Variants in STMN1 observed in about 807,000 individuals in gnomAD.
STMN1 encodes the protein stathmin.
A neutral mutation model predicts 19.7 loss-of-function variants in STMN1; 3 were observed. The ratio of observed to expected loss-of-function variants is 0.15; its 90% CI spans 0.07 to 0.39. The LOEUF (loss-of-function observed/expected upper bound fraction) is 0.39. Among genes scored for constraint, STMN1 ranks in the 10% least tolerant of loss-of-function variants. The pLI, the probability that STMN1 is intolerant of heterozygous loss-of-function variation, is 1.00. For synonymous variants in STMN1, 59 were observed against 58.9 expected, an observed-to-expected ratio of 1.00 and a Z score of -0.01; for missense variants, 99 against 176.0, an observed-to-expected ratio of 0.56 and a Z score of 2.48.
chr1:25,889,166 TA>T (rs2048750787), intron 4 of STMN1: 1 of 329,946 alleles, frequency 3.0e-6, no homozygotes, highest in African/African-American at 2.2e-5. Context: ...ACAATCACAT[TA>T]CCATATCAAG....
intron 2 of STMN1, among the ~76,000 whole-genome samples, chr1:25,904,320 C>T (rs1310303551): frequency 6.6e-6 from 1 of 152,028 alleles, no homozygotes; most frequent in African/African-American, 2.4e-5. Flanking sequence ...AGGTGAGACC[C>T]TGTCTCAAAA....
intron 4 of STMN1, among the ~76,000 whole-genome samples, chr1:25,888,635 A>C (rs2048744679): frequency 6.6e-6 from 1 of 152,176 alleles, no homozygotes; most frequent in African/African-American, 2.4e-5. Flanking sequence ...AGCAATGAAA[A>C]GCCACAATGG....
chr1:25,885,734 G>A, exon 5 of STMN1: 1 of 1,551,130 alleles, frequency 6.4e-7, no homozygotes, highest in Middle Eastern at 1.7e-4. Flanking sequence ...TAGTGATGGT[G>A]AGAGAGATCA....
At chr1:25,897,851 T>C (rs994141278), downstream of STMN1, among the ~76,000 whole-genome samples, 1 of 152,176 alleles carries the variant, frequency 6.6e-6, no homozygotes, top group African/African-American at 2.4e-5. Flanking sequence ...GCTCAGTAAA[T>C]AGTAGCACTG....
chr1:25,892,291 A>G (rs375173906), intron 4 of STMN1, among the ~76,000 whole-genome samples: 82 of 151,802 alleles, frequency 5.4e-4, no homozygotes, highest in African/African-American at 1.7e-3. Flanking sequence ...TGGGAGGCTG[A>G]GGCAGAAGAA....
At chr1:25,893,690 G>A (rs954502247) in intron 4 of STMN1, among the ~76,000 whole-genome samples, 10 of 152,116 alleles carry the variant, frequency 6.6e-5, no homozygotes, top group Non-Finnish European at 1.2e-4. Context: ...ACAGGCACCC[G>A]CCATCACGCC....
chr1:25,887,461 T>C (rs1336025663), intron 4 of STMN1: 8 of 382,176 alleles, frequency 2.1e-5, no homozygotes, highest in Non-Finnish European at 3.6e-5. Context: ...CTATCTGGCA[T>C]CTTAGATGGC....
At chr1:25,884,928 G>C (rs1266759224), downstream of STMN1, 6 of 153,474 alleles carry the variant, frequency 3.9e-5, no homozygotes, top group African/African-American at 1.5e-4. Flanking sequence ...TGCTCCTGTA[G>C]CTTTTCTTGC....
In STMN1 at chr1:25,894,251, A is replaced by G. The variant is rs1009885416; in HGVS notation, c.378+7240T>C. Among the ~76,000 whole-genome samples, 3 of 152,134 alleles carry G rather than the reference A, an allele frequency of 2.0e-5. No individual in the cohort carries two copies. In the South Asian group the frequency reaches 6.2e-4, roughly 32 times the overall value. ...TGCAGGGTACAGTCTGCACACTGTGAGCAGGGGCTGTGATGGGTGCAGCTG... is the reference window on the plus strand; with the variant it reads ...TGCAGGGTACAGTCTGCACACTGTGGGCAGGGGCTGTGATGGGTGCAGCTG... On this transcript the variant is annotated intron_variant, in intron 4 of 4. Transcript: ENST00000426559.
At chr1:25,886,063 AACC>A (rs1486061708) in intron 4 of STMN1, among the ~76,000 whole-genome samples, 1 of 152,156 alleles carries the variant, frequency 6.6e-6, no homozygotes, top group East Asian at 1.9e-4. Flanking sequence ...TATGGGAAGC[AACC>A]TAGGCATCTG....
intron 4 of STMN1, among the ~76,000 whole-genome samples, chr1:25,887,823 A>C (rs1273384448): frequency 6.6e-6 from 1 of 152,086 alleles, no homozygotes; most frequent in Non-Finnish European, 1.5e-5. Context: ...AGTAGCTGGG[A>C]CTACAGGCAT....
chr1:25,900,029 C>A, downstream of STMN1: 1 of 940,740 alleles, frequency 1.1e-6, no homozygotes. Flanking sequence ...CCTCTGGATA[C>A]AAGATGACGT....
At chr1:25,899,279 A>G (rs1044193920), downstream of STMN1, among the ~76,000 whole-genome samples, 2 of 146,648 alleles carry the variant, frequency 1.4e-5, no homozygotes, top group African/African-American at 5.0e-5. Context: ...CATTATGCCA[A>G]GTTTCTACCC....
At chr1:25,903,560 T>C in intron 3 of STMN1, 81 bp downstream of exon 3, 1 of 1,563,908 alleles carries the variant, frequency 6.4e-7, no homozygotes, top group Admixed American at 1.9e-5. Context: ...TACAATTCTG[T>C]TTTCTTCCTG....
downstream of STMN1, among the ~76,000 whole-genome samples, chr1:25,896,684 A>G (rs780546700): frequency 6.6e-6 from 1 of 152,158 alleles, no homozygotes; most frequent in Non-Finnish European, 1.5e-5. Flanking sequence ...CCCTACAACT[A>G]AGTTTTAAAA....
At chr1:25,892,382 T>TA in intron 4 of STMN1, 1 of 180,178 alleles carries the variant, frequency 5.6e-6, no homozygotes, top group Non-Finnish European at 7.8e-6. Flanking sequence ...GAGCAAGACT[T>TA]TTTTTTTTTT....
chr1:25,886,808 G>A (rs1057158575), intron 4 of STMN1, among the ~76,000 whole-genome samples: 10 of 151,826 alleles, frequency 6.6e-5, no homozygotes, highest in South Asian at 4.2e-4. Context: ...GGATCGTTTC[G>A]ATCTCTTGAA....
intron 4 of STMN1, among the ~76,000 whole-genome samples, chr1:25,886,973 G>A (rs181175381): frequency 3.4e-4 from 51 of 152,026 alleles, no homozygotes; most frequent in Admixed American, 3.0e-3. Flanking sequence ...CTCGTTGACC[G>A]GTCCCCACCA....
Position 25,906,362 on chromosome 1 carries a change from G to C in STMN1, c.-63+27C>G, listed in dbSNP as rs963301269. 1 of 153,066 alleles carries C rather than the reference G, an allele frequency of 6.5e-6. No homozygotes were observed. The highest frequency in any genetic ancestry group is 2.4e-5 in the African/African-American group (1 of 41,154). 9.5% of individuals were successfully genotyped at this position (153,066 alleles called of 1,614,324 possible). A position where few individuals can be genotyped will look rare whatever the true frequency, so the allele number is the denominator to read the frequency against. ...TCCCTCTTGCTGGCCTCAGCCAGCC[G>C]CCGCCTCCTCCGAGCCCCGCACCCA... is the stretch of plus-strand genomic sequence containing the variant. On this transcript the variant is annotated intron_variant, in intron 1 of 4. Transcript: ENST00000455785. This position sits in a 1 kb window ranked among gnomAD's most constrained non-coding sequence, Gnocchi z 4.5.
Sources: gnomAD v4.1 joint callset for allele counts (sites outside exome capture counted in the v4.1 genomes callset) on GRCh38, gnomAD v4.1.1 for gene constraint, Gnocchi (gnomAD v3.1) non-coding constraint, MANE v1.5 for transcripts, NCBI Gene and HGNC (gene_info 2026-07-23, HGNC 2026-07-21) for gene names.